TMEM232: variants seen among roughly 807,000 people sequenced by gnomAD.
TMEM232 encodes transmembrane protein 232.
Under a neutral mutation model 78.8 loss-of-function variants are expected in TMEM232, and 80 were observed. The ratio of observed to expected loss-of-function variants is 1.01; its 90% CI spans 0.85 to 1.22. TMEM232 has a LOEUF of 1.22. Ranked by LOEUF, TMEM232 falls within the 50% of genes most tolerant of loss-of-function variation. TMEM232 has a pLI of 0.00. For synonymous variants in TMEM232, 297 were observed against 254.3 expected (o/e 1.17, Z -1.60); for missense variants, 881 against 742.2 (o/e 1.19, Z -2.17).
rs539443267 is a variant in TMEM232, at chr5:110,528,110, T to A, written c.1703+478A>T. On this transcript the variant is annotated intron_variant, in intron 12 of 13. Coordinates refer to ENST00000455884, the MANE Select transcript of TMEM232 (RefSeq NM_001039763.4). ...AAAATTATTCACTTTAATAAATTGT[T>A]CCTAAGTCCAATGTTTCCCGGAGTC... Among the ~76,000 whole-genome samples, 47 of 152,042 alleles carry A rather than the reference T, an allele frequency of 3.1e-4. 1 individual carries two copies. Among genetic ancestry groups the A allele is most frequent in the Non-Finnish European group, 4.1e-4 (28 of 67,816 alleles).
chr5:110,399,965 G>A (rs1424661111), intron 2 of TMEM232, among the ~76,000 whole-genome samples: 1 of 152,112 alleles, frequency 6.6e-6, no homozygotes. Flanking sequence ...ACTATGAGGG[G>A]TCCATTGCGG....
intron 12 of TMEM232, among the ~76,000 whole-genome samples, chr5:110,482,108 G>C (rs948506436): frequency 6.6e-6 from 1 of 151,908 alleles, no homozygotes; most frequent in Non-Finnish European, 1.5e-5. Flanking sequence ...TAACACACTA[G>C]AAGTAAAATT....
intron 1 of TMEM232, among the ~76,000 whole-genome samples, chr5:110,724,786 T>C (rs1797992132): frequency 6.6e-6 from 1 of 152,214 alleles, no homozygotes; most frequent in Non-Finnish European, 1.5e-5. Context: ...TCAATTATCT[T>C]TTATTTATTC....
At chr5:110,656,665 C>G (rs1011401443) in intron 2 of TMEM232, among the ~76,000 whole-genome samples, 1 of 151,854 alleles carries the variant, frequency 6.6e-6, no homozygotes, top group Non-Finnish European at 1.5e-5. Flanking sequence ...AGTGAAACCC[C>G]GTCTCTACTA....
At chr5:110,678,307 C>T (rs191269097) in intron 1 of TMEM232, among the ~76,000 whole-genome samples, 2 of 152,222 alleles carry the variant, frequency 1.3e-5, no homozygotes, top group Non-Finnish European at 2.9e-5. Flanking sequence ...TCAGGTGATT[C>T]CCCTGCCTCA....
intron 11 of TMEM232, among the ~76,000 whole-genome samples, chr5:110,545,113 C>T (rs889795386): frequency 6.6e-6 from 1 of 152,064 alleles, no homozygotes; most frequent in Non-Finnish European, 1.5e-5. Flanking sequence ...AGTACAGTCT[C>T]TAGCACATGG....
chr5:110,411,702 T>C (rs1756000742), intron 2 of TMEM232, among the ~76,000 whole-genome samples: 1 of 152,210 alleles, frequency 6.6e-6, no homozygotes, highest in Admixed American at 6.5e-5. Context: ...TGTCTTTTCA[T>C]AATAGTCTTA....
intron 1 of TMEM232, among the ~76,000 whole-genome samples, chr5:110,735,166 T>C (rs1799032548): frequency 6.6e-6 from 1 of 152,270 alleles, no homozygotes; most frequent in Non-Finnish European, 1.5e-5. Context: ...GCTGAATTTA[T>C]TTAGCATCAG....
At chr5:110,486,073 G>A (rs1021415854) in intron 12 of TMEM232, among the ~76,000 whole-genome samples, 3 of 151,860 alleles carry the variant, frequency 2.0e-5, no homozygotes, top group Non-Finnish European at 4.4e-5. Flanking sequence ...GATCATTAGA[G>A]ATGTTGAGCA....
intron 8 of TMEM232, among the ~76,000 whole-genome samples, 167 bp from the exon 9 acceptor site, chr5:110,606,454 T>C (rs146757068): frequency 0.01 from 1,539 of 152,200 alleles, 33 homozygotes; most frequent in African/African-American, 0.033. Flanking sequence ...GGTAAAAATA[T>C]GCAAAGAAGA....
At chr5:110,495,133 T>C (rs1462512597) in intron 12 of TMEM232, among the ~76,000 whole-genome samples, 12 of 150,994 alleles carry the variant, frequency 7.9e-5, no homozygotes, top group African/African-American at 1.9e-4. Context: ...TTAAATATTA[T>C]ATAAAATAAA....
chr5:110,595,898 A>G (rs1055927821), intron 10 of TMEM232, among the ~76,000 whole-genome samples: 1 of 152,188 alleles, frequency 6.6e-6, no homozygotes, highest in Admixed American at 6.6e-5. Context: ...AAGAGAGGCC[A>G]ACATGCAAAT....
At chr5:110,533,610 T>TC (rs1226819232) in intron 11 of TMEM232, among the ~76,000 whole-genome samples, 15 of 152,280 alleles carry the variant, frequency 9.9e-5, no homozygotes, top group South Asian at 8.3e-4. Flanking sequence ...TACTTTCTGC[T>TC]CCCCGGCTCC....
chr5:110,703,310 C>T (rs1457577337), intron 1 of TMEM232, among the ~76,000 whole-genome samples: 2 of 151,978 alleles, frequency 1.3e-5, no homozygotes, highest in Non-Finnish European at 2.9e-5. Context: ...AACGACAGAC[C>T]TATTTTGCTG....
intron 4 of TMEM232, among the ~76,000 whole-genome samples, chr5:110,639,856 A>T (rs1786418459): frequency 6.6e-6 from 1 of 152,162 alleles, no homozygotes; most frequent in South Asian, 2.1e-4. Flanking sequence ...ACCTATGAGG[A>T]CCCAATGTCA....
At chr5:110,592,482 G>A (rs146243193) in intron 10 of TMEM232, among the ~76,000 whole-genome samples, 5,260 of 152,156 alleles carry the variant, frequency 0.035, 133 homozygotes, top group African/African-American at 0.066. Flanking sequence ...TGACTATGAA[G>A]AGGCACTTTT....
At chr5:110,592,919 T>C (rs1183604490) in intron 10 of TMEM232, among the ~76,000 whole-genome samples, 1 of 152,168 alleles carries the variant, frequency 6.6e-6, no homozygotes, top group South Asian at 2.1e-4. Context: ...CAAATAATTA[T>C]ACAAAAGTAG....
intron 8 of TMEM232, among the ~76,000 whole-genome samples, chr5:110,616,984 T>A (rs1238981040): frequency 1.3e-5 from 2 of 152,198 alleles, no homozygotes; most frequent in African/African-American, 2.4e-5. Flanking sequence ...ACTACGTTCA[T>A]TGCAGCATTA....
At chr5:110,609,561 GA>G (rs1781928265) in intron 8 of TMEM232, among the ~76,000 whole-genome samples, 1 of 151,842 alleles carries the variant, frequency 6.6e-6, no homozygotes, top group African/African-American at 2.4e-5. Context: ...TCCTGGTAAT[GA>G]AAAGGGTAGT....
Sources: gnomAD v4.1 joint callset for allele counts (sites outside exome capture counted in the v4.1 genomes callset) on GRCh38, gnomAD v4.1.1 for gene constraint, MANE v1.5 for transcripts, NCBI Gene and HGNC (gene_info 2026-07-23, HGNC 2026-07-21) for gene names.